The following ANKRD60 variants were observed in gnomAD, a reference collection of about 807,000 sequenced individuals.
The protein encoded by ANKRD60 is ankyrin repeat domain 60.
In ANKRD60, 24 loss-of-function variants were observed where a neutral mutation model predicts 21.3. The ratio of observed to expected loss-of-function variants is 1.13; its 90% confidence interval spans 0.82 to 1.59. The LOEUF (loss-of-function observed/expected upper bound fraction) is 1.59. ANKRD60 is among the 40% of genes most tolerant of loss of function. The pLI is 0.00. For missense variants in ANKRD60, 490 were observed against 466.7 expected (o/e 1.05, Z -0.46); for synonymous variants, 182 against 199.4 (o/e 0.91, Z 0.74).
At chr20:58,217,436 G>GA (rs372536329), downstream of ANKRD60, among the ~76,000 whole-genome samples, 828 of 144,906 alleles carry the variant, frequency 5.7e-3, 5 homozygotes, top group African/African-American at 0.018. Context: ...CTCAAAAAAA[G>GA]AAAAAAAAAA....
Position 58,225,726 on chromosome 20 carries a change from T to C in ANKRD60, c.430+2498A>G, listed in dbSNP as rs182038370. 7.9e-3 allele frequency among the ~76,000 whole-genome samples: 1,208 copies of C among 152,316 alleles called. 25 individuals are homozygous for C. Among genetic ancestry groups the C allele is most frequent in the African/African-American group, 0.027 (1,122 of 41,576 alleles). The stretch of plus-strand genomic sequence containing the variant: ...CCCAGCCCCTGCAGTACAGCTGCAG[T>C]CTCTCTGCAATATCAGCTGTTCACA... On this transcript the variant is annotated intron_variant, in intron 1 of 3. Coordinates refer to ENST00000457363, the Ensembl canonical transcript of ANKRD60.
At chr20:58,222,553 C>A (rs956881929) in intron 2 of ANKRD60, among the ~76,000 whole-genome samples, 2 of 152,190 alleles carry the variant, frequency 1.3e-5, no homozygotes, top group African/African-American at 4.8e-5. Flanking sequence ...ATCCTCCTGC[C>A]CCCCACTGCC....
chr20:58,217,000 G>A (rs1325941057), downstream of ANKRD60, among the ~76,000 whole-genome samples: 1 of 152,218 alleles, frequency 6.6e-6, no homozygotes, highest in African/African-American at 2.4e-5. Flanking sequence ...AGAGATTTTG[G>A]TTGTTTCTAT....
At chr20:58,218,252 C>T (rs1409244533), downstream of ANKRD60, among the ~76,000 whole-genome samples, 1 of 152,210 alleles carries the variant, frequency 6.6e-6, no homozygotes, top group Non-Finnish European at 1.5e-5. Context: ...GTGCAAATAG[C>T]TTAAAATTAA....
At chr20:58,218,466 C>T, downstream of ANKRD60, 1 of 1,531,786 alleles carries the variant, frequency 6.5e-7, no homozygotes, top group Admixed American at 2.0e-5. Flanking sequence ...CCCAAACCAG[C>T]CTCAGCGGGC....
intron 2 of ANKRD60, among the ~76,000 whole-genome samples, chr20:58,222,423 C>A (rs1005204376): frequency 6.6e-6 from 1 of 152,220 alleles, no homozygotes; most frequent in East Asian, 1.9e-4. Flanking sequence ...AAAGAAACTC[C>A]ATCTCTTCTT....
chr20:58,216,927 C>T (rs573580048), downstream of ANKRD60, among the ~76,000 whole-genome samples: 4 of 152,324 alleles, frequency 2.6e-5, no homozygotes, highest in African/African-American at 4.8e-5. Flanking sequence ...GGACCCCACA[C>T]GCCACCCAGT....
rs1446904685 is a variant in ANKRD60, at chr20:58,221,563, G to A, written c.562-60C>T. 1.3e-5 allele frequency: 19 copies of A among 1,511,714 alleles called. 1 individual carries two copies. The highest frequency in any genetic ancestry group is 2.8e-5 in the African/African-American group (2 of 72,272). The allele number at this position is 1,511,714 out of a possible 1,614,324, so 93.6% of individuals were successfully genotyped here. A position where few individuals can be genotyped will look rare whatever the true frequency, so the allele number is the denominator to read the frequency against. On this transcript the variant is annotated intron_variant, in intron 2 of 3. Transcript: ENST00000457363. ...AAAGCGTGGCTACATTTTGCTGGAC[G>A]GCTGATGGGGCATGCTCAGGGGAAG...
chr20:58,220,901 G>A (rs1047891229), intron 3 of ANKRD60, among the ~76,000 whole-genome samples: 5 of 152,118 alleles, frequency 3.3e-5, no homozygotes, highest in African/African-American at 1.2e-4. Flanking sequence ...CCAAAGTGCT[G>A]AGATTACAGG....
chr20:58,218,434 G>A, downstream of ANKRD60: 2 of 1,476,314 alleles, frequency 1.4e-6, no homozygotes, highest in Non-Finnish European at 1.8e-6. Context: ...GGGCCCCCAT[G>A]GGATTGAACT....
intron 3 of ANKRD60, among the ~76,000 whole-genome samples, chr20:58,221,063 G>A (rs913821598): frequency 2.0e-5 from 3 of 152,154 alleles, no homozygotes; most frequent in African/African-American, 7.2e-5. Flanking sequence ...TATAGCTGCC[G>A]CCTGTGTCTT....
chr20:58,223,871 A>T (rs1772434712), intron 1 of ANKRD60, among the ~76,000 whole-genome samples: 1 of 152,170 alleles, frequency 6.6e-6, no homozygotes, highest in Admixed American at 6.5e-5. Flanking sequence ...TGGGAGGCTG[A>T]GGTGGGCAGA....
At chr20:58,226,045 C>T (rs933479789) in intron 1 of ANKRD60, among the ~76,000 whole-genome samples, 3 of 152,102 alleles carry the variant, frequency 2.0e-5, no homozygotes, top group Admixed American at 1.3e-4. Flanking sequence ...AGGGAACTTT[C>T]GGTTCTGGGT....
At chr20:58,218,767 G>A (rs939080849) in exon 4 of ANKRD60, 1 of 1,550,484 alleles carries the variant, frequency 6.4e-7, no homozygotes, top group Admixed American at 2.0e-5. Context: ...ACATGCAGGG[G>A]TGTCCTGCCC....
rs1157191513 is a variant in ANKRD60, at chr20:58,219,860, GC to G, written c.728-1056del. ...TCAAATACATCACAGTTCTATCAGA[GC>G]AAAAATGACTTTTTATGAGCTTAAA... On this transcript the variant is annotated intron_variant, in intron 3 of 3. Transcript: ENST00000457363. Among the ~76,000 whole-genome samples the G allele has an allele frequency of 5.9e-5, 9 of 152,218 alleles. No individual in the cohort carries two copies. In the South Asian group the frequency reaches 1.7e-3, roughly 28 times the overall value.
chr20:58,220,448 C>A (rs1199756718), intron 3 of ANKRD60, among the ~76,000 whole-genome samples: 1 of 150,618 alleles, frequency 6.6e-6, no homozygotes, highest in African/African-American at 2.5e-5. Context: ...AATTTGGAGA[C>A]AATGTTGGCT....
intron 1 of ANKRD60, 118 bp from the exon 2 acceptor site, chr20:58,223,300 G>C: frequency 1.1e-6 from 1 of 882,966 alleles, no homozygotes; most frequent in South Asian, 2.1e-5. Context: ...TAGAAATATC[G>C]AATACAAATC....
At chr20:58,219,928 A>T (rs1435995478) in intron 3 of ANKRD60, among the ~76,000 whole-genome samples, 1 of 152,234 alleles carries the variant, frequency 6.6e-6, no homozygotes, top group East Asian at 1.9e-4. Context: ...ATTTTACAAC[A>T]AGCAAAGAGC....
At chr20:58,225,561 G>A (rs1984347114) in intron 1 of ANKRD60, among the ~76,000 whole-genome samples, 3 of 152,124 alleles carry the variant, frequency 2.0e-5, no homozygotes, top group African/African-American at 7.2e-5. Context: ...CGTCATTTCT[G>A]TCCAGAGGGG....
Sources: gnomAD v4.1 joint callset for allele counts (sites outside exome capture counted in the v4.1 genomes callset) on GRCh38, gnomAD v4.1.1 for gene constraint, MANE v1.5 for transcripts, NCBI Gene and HGNC (gene_info 2026-07-23, HGNC 2026-07-21) for gene names.